Variants in CELF2 observed in about 807,000 individuals in gnomAD.
CELF2 encodes CUGBP Elav-like family member 2.
In CELF2, 8 loss-of-function variants were observed where a neutral mutation model predicts 62.6. The ratio of observed to expected loss-of-function variants is 0.13; its 90% CI spans 0.07 to 0.23. The LOEUF (loss-of-function observed/expected upper bound fraction) is 0.23. Ranked by LOEUF, CELF2 falls within the 10% of genes least tolerant of loss-of-function variation. The pLI, the probability that CELF2 is intolerant of heterozygous loss-of-function variation, is 1.00. For missense variants in CELF2, 333 were observed against 671.0 expected (o/e 0.50, Z 5.56); for synonymous variants, 258 against 250.0 (o/e 1.03, Z -0.30).
At chr10:10,471,018 T>C in the CELF2 span, among the ~76,000 whole-genome samples, 2 of 151,684 alleles carry the variant, frequency 1.3e-5, no homozygotes, top group South Asian at 2.1e-4. Context: ...CTTTTTTTCA[T>C]TGATTTTTGA....
At chr10:10,950,820 T>C (rs995598687) in intron 2 of CELF2, among the ~76,000 whole-genome samples, 14 of 152,238 alleles carry the variant, frequency 9.2e-5, no homozygotes, top group Non-Finnish European at 2.9e-5. Flanking sequence ...ACGCCTCTAC[T>C]GCAAAATGCC....
intron 2 of CELF2, among the ~76,000 whole-genome samples, chr10:11,209,659 C>A (rs781670247): frequency 2.6e-4 from 39 of 148,434 alleles, no homozygotes; most frequent in Admixed American, 1.3e-3. Context: ...CTTTAACTGC[C>A]TTGTAGAAAG....
chr10:10,667,640 G>C, the CELF2 span, among the ~76,000 whole-genome samples: 9 of 152,236 alleles, frequency 5.9e-5, no homozygotes, highest in East Asian at 1.4e-3. Flanking sequence ...TCTTGGAAAC[G>C]TTCTCCCGTG....
At chr10:10,629,724 T>A in the CELF2 span, among the ~76,000 whole-genome samples, 1 of 152,174 alleles carries the variant, frequency 6.6e-6, no homozygotes, top group East Asian at 1.9e-4. Flanking sequence ...CCGGTGAGGA[T>A]GTTGGAGTGC....
At chr10:11,129,217 AG>A (rs1257963915) in intron 1 of CELF2, among the ~76,000 whole-genome samples, 4 of 152,324 alleles carry the variant, frequency 2.6e-5, no homozygotes, top group African/African-American at 9.6e-5. Context: ...CTTGCATCCC[AG>A]GGATGAAGCC....
At chr10:11,132,270 A>G (rs781079025) in intron 1 of CELF2, among the ~76,000 whole-genome samples, 4 of 152,248 alleles carry the variant, frequency 2.6e-5, no homozygotes, top group African/African-American at 4.8e-5. Context: ...CTAAAGATCT[A>G]TTACTTAAAA....
At chr10:11,095,398 G>A (rs1313965899) in intron 1 of CELF2, among the ~76,000 whole-genome samples, 1 of 152,160 alleles carries the variant, frequency 6.6e-6, no homozygotes, top group Non-Finnish European at 1.5e-5. Context: ...TGAGGACCGT[G>A]GCAGAGTCCC....
At chr10:10,802,457 G>A (rs1196882431) in intron 1 of CELF2, among the ~76,000 whole-genome samples, 6 of 152,142 alleles carry the variant, frequency 3.9e-5, no homozygotes, top group African/African-American at 9.7e-5. Flanking sequence ...GTGACAGAGC[G>A]AGACTCTGTC....
chr10:11,006,132 T>A (rs1278374203), intron 1 of CELF2, among the ~76,000 whole-genome samples: 1 of 152,168 alleles, frequency 6.6e-6, no homozygotes, highest in Admixed American at 6.5e-5. Flanking sequence ...AAAAATGTAG[T>A]CTTTTGTTTA....
chr10:10,575,146 T>C, the CELF2 span, among the ~76,000 whole-genome samples: 1 of 152,274 alleles, frequency 6.6e-6, no homozygotes, highest in East Asian at 1.9e-4. Flanking sequence ...ATAAGCACAA[T>C]TGATCACCAT....
the CELF2 span, among the ~76,000 whole-genome samples, chr10:10,642,301 G>A: frequency 6.6e-6 from 1 of 152,132 alleles, no homozygotes; most frequent in Non-Finnish European, 1.5e-5. Context: ...TTCCAGACAG[G>A]TCACACCAAC....
intron 2 of CELF2, among the ~76,000 whole-genome samples, chr10:11,183,276 T>A (rs624907): frequency 0.36 from 54,871 of 152,086 alleles, 10,670 homozygotes; most frequent in East Asian, 0.78. Context: ...TCCCCGTCAC[T>A]CATTGATTCC....
At chr10:10,475,364 A>G in the CELF2 span, among the ~76,000 whole-genome samples, 1 of 151,996 alleles carries the variant, frequency 6.6e-6, no homozygotes. Context: ...TAACACACCA[A>G]TCTGCCCATG....
the CELF2 span, among the ~76,000 whole-genome samples, chr10:10,643,285 G>A: frequency 6.6e-6 from 1 of 151,922 alleles, no homozygotes; most frequent in Non-Finnish European, 1.5e-5. Flanking sequence ...TCATGGGAGG[G>A]ACCCAGTTGG....
intron 4 of CELF2, among the ~76,000 whole-genome samples, chr10:11,256,077 T>C (rs1425354721): frequency 6.6e-6 from 1 of 152,192 alleles, no homozygotes; most frequent in African/African-American, 2.4e-5. Flanking sequence ...GTCTCTTCCT[T>C]CCACTCTGGG....
the CELF2 span, among the ~76,000 whole-genome samples, chr10:10,694,460 G>T: frequency 6.6e-6 from 1 of 151,972 alleles, no homozygotes; most frequent in Admixed American, 6.6e-5. Context: ...AATTGGTGTG[G>T]CATGGTGCTG....
intron 1 of CELF2, among the ~76,000 whole-genome samples, chr10:10,857,713 A>T (rs2059826402): frequency 6.9e-6 from 1 of 145,680 alleles, no homozygotes; most frequent in Non-Finnish European, 1.5e-5. Context: ...TACTGGATGT[A>T]CAAAGAAACA....
chr10:11,125,432 A>C (rs1430652525), intron 1 of CELF2, among the ~76,000 whole-genome samples: 1 of 137,880 alleles, frequency 7.3e-6, no homozygotes, highest in Non-Finnish European at 1.5e-5. Context: ...GGTTTAGGGT[A>C]GTAACTGGAT....
At chr10:10,746,467 C>G in the CELF2 span, among the ~76,000 whole-genome samples, 39 of 152,114 alleles carry the variant, frequency 2.6e-4, 1 homozygote, top group African/African-American at 8.7e-4. Context: ...GATTGATTAG[C>G]CATTTTATAT....
Sources: gnomAD v4.1 joint callset for allele counts (sites outside exome capture counted in the v4.1 genomes callset) on GRCh38, gnomAD v4.1.1 for gene constraint, MANE v1.5 for transcripts, NCBI Gene and HGNC (gene_info 2026-07-23, HGNC 2026-07-21) for gene names.